Variants in ABR observed in about 807,000 individuals in gnomAD.
The protein encoded by ABR is active breakpoint cluster region-related protein.
Under a neutral mutation model 107.2 loss-of-function variants are expected in ABR, and 35 were observed. The ratio of observed to expected loss-of-function variants is 0.33; its 90% CI spans 0.25 to 0.43. The LOEUF (loss-of-function observed/expected upper bound fraction) is 0.43. Among genes scored for constraint, ABR ranks in the 20% least tolerant of loss-of-function variants. The pLI is 1.00. For synonymous variants in ABR, 498 were observed against 462.0 expected (o/e 1.08, Z -1.00); for missense variants, 815 against 1,115.2 (o/e 0.73, Z 3.83).
chr17:1,014,183 T>C (rs1360622283), intron 16 of ABR, among the ~76,000 whole-genome samples: 1 of 152,236 alleles, frequency 6.6e-6, no homozygotes, highest in East Asian at 1.9e-4. Context: ...GGCTCACGCC[T>C]GTAATCCCAG....
chr17:1,098,137 A>C (rs532662941), intron 3 of ABR, among the ~76,000 whole-genome samples: 1 of 151,250 alleles, frequency 6.6e-6, no homozygotes, highest in African/African-American at 2.4e-5. Flanking sequence ...CAGTGGCGCA[A>C]TCTCTGCTCA....
At chr17:1,065,788 C>G (rs1714763084) in intron 10 of ABR, among the ~76,000 whole-genome samples, 2 of 136,790 alleles carry the variant, frequency 1.5e-5, no homozygotes, top group Admixed American at 8.1e-5. Context: ...CTCTGTTGCT[C>G]AGGCTGGAGT....
rs2073285879 is a variant in ABR at position 1,037,493 on chromosome 17, G to A, written c.1791+12557C>T. On this transcript the variant is annotated intron_variant, in intron 16 of 22. Coordinates refer to ENST00000302538, the MANE Select transcript of ABR (RefSeq NM_021962.5). This position sits in a 1 kb window ranked among gnomAD's most constrained non-coding sequence, Gnocchi z 4.6. ...CAGCCCGTCCCTGGCAAACCCTAGC[G>A]ATTCTCACAGCACATTTGGTCATGG... Among the ~76,000 whole-genome samples, 1 of 152,320 alleles carries A rather than the reference G, an allele frequency of 6.6e-6. No individual in the cohort carries two copies. Among genetic ancestry groups the A allele is most frequent in the South Asian group, 2.1e-4 (1 of 4,824 alleles).
intron 1 of ABR, among the ~76,000 whole-genome samples, chr17:1,151,604 A>G (rs966669389): frequency 2.6e-5 from 4 of 152,246 alleles, no homozygotes; most frequent in Non-Finnish European, 5.9e-5. Flanking sequence ...GGGATGGAGA[A>G]GTGTGTTTCT....
chr17:1,173,601 T>A (rs2041826413), intron 1 of ABR, among the ~76,000 whole-genome samples: 1 of 151,810 alleles, frequency 6.6e-6, no homozygotes, highest in African/African-American at 2.4e-5. Context: ...AATGACCAAA[T>A]CCACACAGCC....
At chr17:1,141,614 C>T (rs1417662117) in intron 1 of ABR, among the ~76,000 whole-genome samples, 1 of 152,164 alleles carries the variant, frequency 6.6e-6, no homozygotes, top group Non-Finnish European at 1.5e-5. Context: ...TACCAAGAAC[C>T]CTTAGGGACC....
intron 1 of ABR, among the ~76,000 whole-genome samples, chr17:1,152,891 T>G (rs2040857396): frequency 6.6e-6 from 1 of 152,020 alleles, no homozygotes; most frequent in Non-Finnish European, 1.5e-5. Context: ...GTCAGGAGTT[T>G]GAGACCAGCC....
Position 1,125,781 on chromosome 17 carries a change from G to A in ABR, c.62-414C>T, listed in dbSNP as rs560088135. On this transcript the variant is annotated intron_variant, in intron 1 of 22. Coordinates refer to ENST00000302538, the MANE Select transcript of ABR (RefSeq NM_021962.5). ...AGGGAATAAGGAGGTGGGGGGGGCC[G>A]GTCGATGTCACTTCCTGTGGCCCTC... 36 of 224,480 alleles carry A rather than the reference G, an allele frequency of 1.6e-4. No homozygotes were observed. The East Asian group carries it at 3.1e-3, about 19-fold the overall frequency. 13.9% of individuals were successfully genotyped at this position (224,480 alleles called of 1,614,324 possible). A position where few individuals can be genotyped will look rare whatever the true frequency, so the allele number is the denominator to read the frequency against.
rs1262351133 is a variant in ABR, at chr17:1,148,656, G to A, written c.62-23289C>T. ...TCGTGATCTGCGCGTGCGAGGGATC[G>A]CAGTTCCATCCCGAAAGCGCTCCCC... is the stretch of plus-strand genomic sequence containing the variant. On this transcript the variant is annotated intron_variant, in intron 1 of 22. Coordinates refer to ENST00000302538, the MANE Select transcript of ABR (RefSeq NM_021962.5). The surrounding 1 kb of genome is among the most constrained non-coding windows in gnomAD (Gnocchi z 4.9). 1.3e-5 allele frequency among the ~76,000 whole-genome samples: 2 copies of A among 152,190 alleles called. No homozygotes were observed. The highest frequency in any genetic ancestry group is 2.9e-5 in the Non-Finnish European group (2 of 68,034).
chr17:1,049,092 C>T (rs1349973332), intron 16 of ABR, among the ~76,000 whole-genome samples: 1 of 152,174 alleles, frequency 6.6e-6, no homozygotes, highest in Non-Finnish European at 1.5e-5. Flanking sequence ...CAGAATGTTT[C>T]AGAGACACAG....
intron 1 of ABR, among the ~76,000 whole-genome samples, chr17:1,212,715 C>A (rs577103537): frequency 6.6e-6 from 1 of 152,190 alleles, no homozygotes; most frequent in Admixed American, 6.5e-5. Flanking sequence ...CATGGAAAAA[C>A]TCCATCTTTA....
At chr17:1,180,177 G>A (rs2042085211), upstream of ABR, among the ~76,000 whole-genome samples, 1 of 147,042 alleles carries the variant, frequency 6.8e-6, no homozygotes, top group Middle Eastern at 3.5e-3. Flanking sequence ...CGGGGGTCTC[G>A]GGGGGTCTCC....
chr17:1,083,711 C>A (rs2304962), intron 4 of ABR, 84 bp from the exon 5 acceptor site: 29 of 1,155,376 alleles, frequency 2.5e-5, no homozygotes, highest in Non-Finnish European at 3.8e-5. Context: ...CACGGAGCAC[C>A]GGGAGCTCCC....
intron 2 of ABR, chr17:1,115,150 C>G (rs1029363341): frequency 6.6e-6 from 1 of 152,316 alleles, no homozygotes; most frequent in Non-Finnish European, 1.5e-5. Flanking sequence ...TGTGACAGGA[C>G]ATTCATCCTG....
chr17:1,098,334 C>A (rs775195599), intron 3 of ABR, among the ~76,000 whole-genome samples: 2 of 152,056 alleles, frequency 1.3e-5, no homozygotes, highest in African/African-American at 4.8e-5. Flanking sequence ...ACCTCAGCCT[C>A]CCAAAGTGCT....
chr17:1,011,630 G>A lies in ABR; in HGVS notation c.2101+216C>T, dbSNP rs950949088. ...AAGTTGGGTCATCCTGGGCAAGTGA[G>A]TCGGCCCTTGTGAGTTTCTGCAGTT... On this transcript the variant is annotated intron_variant, in intron 19 of 22. Coordinates refer to ENST00000302538, the MANE Select transcript of ABR (RefSeq NM_021962.5). This position sits in a 1 kb window ranked among gnomAD's most constrained non-coding sequence, Gnocchi z 4.8. 1 of 463,738 alleles carries A rather than the reference G, an allele frequency of 2.2e-6. No homozygotes were observed. The highest frequency in any genetic ancestry group is 3.6e-6 in the Non-Finnish European group (1 of 279,680). 28.7% of individuals were successfully genotyped at this position (463,738 alleles called of 1,614,324 possible).
chr17:1,013,001 G>A (rs927214651), intron 17 of ABR, 104 bp downstream of exon 17: 206 of 1,405,336 alleles, frequency 1.5e-4, no homozygotes, highest in African/African-American at 5.4e-4. Flanking sequence ...AGGTCGAGGC[G>A]GCACAGCGGC....
chr17:1,023,625 C>G (rs1412092453), intron 16 of ABR, among the ~76,000 whole-genome samples: 2 of 152,222 alleles, frequency 1.3e-5, no homozygotes, highest in African/African-American at 2.4e-5. Flanking sequence ...GAGAGGCCTT[C>G]TGTGGTCCTG....
chr17:1,224,615 G>A (rs1004949031), intron 1 of ABR, among the ~76,000 whole-genome samples: 3 of 152,178 alleles, frequency 2.0e-5, no homozygotes, highest in African/African-American at 7.2e-5. Context: ...GTCCTGCCCT[G>A]CTGCCTGAAA....
Sources: allele counts gnomAD v4.1 joint callset (sites outside exome capture counted in the v4.1 genomes callset), GRCh38; gene constraint gnomAD v4.1.1; non-coding constraint Gnocchi (gnomAD v3.1); transcripts MANE v1.5; gene names NCBI Gene and HGNC (gene_info 2026-07-23, HGNC 2026-07-21).